STPG2: variants seen among roughly 807,000 people sequenced by gnomAD.
The protein encoded by STPG2 is sperm-tail PG-rich repeat-containing protein 2.
A neutral mutation model predicts 54.2 loss-of-function variants in STPG2; 56 were observed. The ratio of observed to expected loss-of-function variants is 1.03; its 90% confidence interval spans 0.83 to 1.29. The LOEUF (loss-of-function observed/expected upper bound fraction) is 1.29, where lower values mean the gene tolerates loss of function less well. Ranked by LOEUF, STPG2 falls within the 50% of genes most tolerant of loss-of-function variation. STPG2 has a pLI of 0.00. For synonymous variants in STPG2, 200 were observed against 181.8 expected, an observed-to-expected ratio of 1.10 and a Z score of -0.81; for missense variants, 596 against 544.9, an observed-to-expected ratio of 1.09 and a Z score of -0.93.
downstream of STPG2, among the ~76,000 whole-genome samples, chr4:97,558,550 G>A (rs1341844859): frequency 6.6e-6 from 1 of 152,186 alleles, no homozygotes; most frequent in Admixed American, 6.5e-5. Context: ...GCTATAGAGA[G>A]ATCCACATGG....
intron 3 of STPG2, among the ~76,000 whole-genome samples, chr4:98,117,478 T>C (rs1179413279): frequency 6.6e-6 from 1 of 152,010 alleles, no homozygotes; most frequent in East Asian, 1.9e-4. Flanking sequence ...TTTGGGATGT[T>C]TTCAGCCATG....
intron 8 of STPG2, among the ~76,000 whole-genome samples, chr4:97,860,210 G>T (rs1271575214): frequency 6.6e-6 from 1 of 152,162 alleles, no homozygotes; most frequent in East Asian, 1.9e-4. Context: ...GGCTATGCAG[G>T]CTCTTTTTTT....
chr4:97,807,910 T>C (rs1331848218), intron 9 of STPG2, among the ~76,000 whole-genome samples: 1 of 151,996 alleles, frequency 6.6e-6, no homozygotes, highest in Non-Finnish European at 1.5e-5. Context: ...AAAGCAAATA[T>C]ATACTATCAT....
At chr4:97,845,464 T>A (rs1057124833) in intron 8 of STPG2, among the ~76,000 whole-genome samples, 3 of 152,194 alleles carry the variant, frequency 2.0e-5, no homozygotes, top group Non-Finnish European at 4.4e-5. Context: ...CATTTGAATT[T>A]GTCTTTTTCT....
intron 4 of STPG2, chr4:97,489,944 G>C (rs971433912): frequency 6.6e-6 from 1 of 150,860 alleles, no homozygotes; most frequent in African/African-American, 2.4e-5. Context: ...ATTTTTTCTG[G>C]GGGAAATAAA....
At chr4:97,726,327 A>C (rs1207045574) in intron 9 of STPG2, among the ~76,000 whole-genome samples, 1 of 151,958 alleles carries the variant, frequency 6.6e-6, no homozygotes, top group African/African-American at 2.4e-5. Flanking sequence ...AAGAGTTTCA[A>C]GTTTTGCAAA....
chr4:97,940,581 G>T (rs902115212), intron 8 of STPG2, among the ~76,000 whole-genome samples: 1 of 151,982 alleles, frequency 6.6e-6, no homozygotes, highest in African/African-American at 2.4e-5. Flanking sequence ...TACACAGCTT[G>T]GTTTCTTCTG....
At chr4:97,461,887 CTG>C (rs1285286150) in intron 4 of STPG2, among the ~76,000 whole-genome samples, 1 of 152,096 alleles carries the variant, frequency 6.6e-6, no homozygotes, top group Non-Finnish European at 1.5e-5. Context: ...TCACTCTTCT[CTG>C]TGTCATGCCC....
chr4:98,038,527 AAAT>A (rs1312922225), intron 5 of STPG2, among the ~76,000 whole-genome samples: 1 of 152,048 alleles, frequency 6.6e-6, no homozygotes, highest in Non-Finnish European at 1.5e-5. Flanking sequence ...TTTTAAACAC[AAAT>A]AAGAGAATCT....
At chr4:97,445,639 C>A (rs956563377) in intron 4 of STPG2, among the ~76,000 whole-genome samples, 5 of 152,110 alleles carry the variant, frequency 3.3e-5, no homozygotes, top group Non-Finnish European at 5.9e-5. Flanking sequence ...TAGCCATATT[C>A]CAAGTGCCAA....
chr4:97,821,280 C>A (rs1435210923), intron 9 of STPG2, among the ~76,000 whole-genome samples: 1 of 152,154 alleles, frequency 6.6e-6, no homozygotes, highest in Non-Finnish European at 1.5e-5. Flanking sequence ...CCAAAATAAT[C>A]CCTTATTACC....
rs1312691609 is a variant in STPG2 at position 97,972,345 on chromosome 4, C to T, written c.868G>A (p.Val290Ile). 6.2e-7 allele frequency: 1 copy of T among 1,610,670 alleles called. No homozygotes were observed. The highest frequency in any genetic ancestry group is 1.1e-5 in the South Asian group (1 of 90,424). ...KQKKSAFGSS[V>I]PRTFFSVQKE... ...TGAACCGAGAAGAAAGTCCGAGGAA[C>T]AGAAGAACCAAATGCACTTTTCTTC... The change falls in exon 7 of 11, where the codon GTT (valine) becomes ATT (isoleucine). Residue 290 changes from valine (V) to isoleucine (I), a missense_variant. Coordinates refer to ENST00000295268, the MANE Select transcript of STPG2 (RefSeq NM_174952.3).
At chr4:97,761,574 C>G (rs193093279) in intron 9 of STPG2, among the ~76,000 whole-genome samples, 17 of 152,248 alleles carry the variant, frequency 1.1e-4, no homozygotes, top group Non-Finnish European at 2.2e-4. Flanking sequence ...GCTTATGGTA[C>G]TTAGTTATGG....
At chr4:97,634,782 T>C (rs1721448458) in intron 10 of STPG2, among the ~76,000 whole-genome samples, 2 of 151,472 alleles carry the variant, frequency 1.3e-5, no homozygotes, top group South Asian at 2.1e-4. Context: ...AGAAGGAAAG[T>C]TTAGAGAAAA....
chr4:97,696,086 G>A (rs1211051107), intron 10 of STPG2, among the ~76,000 whole-genome samples: 1 of 152,066 alleles, frequency 6.6e-6, no homozygotes, highest in African/African-American at 2.4e-5. Context: ...GAACAAATCT[G>A]GAGGCATTAC....
intron 5 of STPG2, among the ~76,000 whole-genome samples, chr4:98,073,296 A>G (rs954941796): frequency 1.3e-5 from 2 of 152,234 alleles, no homozygotes; most frequent in Non-Finnish European, 2.9e-5. Context: ...GCTGAGTTAG[A>G]ATATAGTATA....
intron 8 of STPG2, among the ~76,000 whole-genome samples, chr4:97,936,781 C>T (rs979004092): frequency 8.5e-5 from 13 of 152,122 alleles, no homozygotes; most frequent in African/African-American, 2.9e-4. Context: ...TTGTAGGTGA[C>T]CTGGCCTTTA....
intron 4 of STPG2, among the ~76,000 whole-genome samples, chr4:97,464,202 A>T (rs1451023055): frequency 2.0e-5 from 3 of 152,192 alleles, no homozygotes; most frequent in African/African-American, 7.2e-5. Context: ...AAGTTTGTGA[A>T]ATATTTGGGG....
chr4:98,082,433 C>CTTTTTTTTTTTTTT (rs70955915), intron 5 of STPG2, among the ~76,000 whole-genome samples: 1 of 71,402 alleles, frequency 1.4e-5, no homozygotes, highest in Non-Finnish European at 2.7e-5. Context: ...TGCAGGTCCA[C>CTTTTTTTTTTTTTT]TTTTTTTTTT....
Sources: gnomAD v4.1 joint callset for allele counts (sites outside exome capture counted in the v4.1 genomes callset) on GRCh38, gnomAD v4.1.1 for gene constraint, MANE v1.5 for transcripts, NCBI Gene and HGNC (gene_info 2026-07-23, HGNC 2026-07-21) for gene names.